Variants in TNRC6B observed in about 807,000 individuals in gnomAD.
TNRC6B encodes trinucleotide repeat containing adaptor 6B.
TNRC6B carries 52 observed loss-of-function variants against 203.6 expected under a neutral mutation model. The observed-to-expected ratio is 0.26, with a 90% CI of 0.20 to 0.32. TNRC6B has a LOEUF of 0.32. Ranked by LOEUF, TNRC6B falls within the 10% of genes least tolerant of loss-of-function variation. The pLI is 1.00. For missense variants in TNRC6B, 1,923 were observed against 2,286.2 expected (o/e 0.84, Z 3.24); for synonymous variants, 838 against 845.7 (o/e 0.99, Z 0.16).
At chr22:40,049,893 C>T (rs1171769805) in intron 1 of TNRC6B, among the ~76,000 whole-genome samples, 5 of 152,146 alleles carry the variant, frequency 3.3e-5, no homozygotes, top group South Asian at 2.1e-4. Flanking sequence ...CATGAGCCAC[C>T]GCGCCCGGCT....
intron 1 of TNRC6B, among the ~76,000 whole-genome samples, chr22:40,111,172 G>A (rs1035253493): frequency 6.6e-6 from 1 of 152,214 alleles, no homozygotes; most frequent in Admixed American, 6.5e-5. Context: ...AATTTGTCCT[G>A]TCCGTGGGAA....
chr22:40,141,725 A>G (rs954050142), intron 3 of TNRC6B, among the ~76,000 whole-genome samples: 1 of 152,004 alleles, frequency 6.6e-6, no homozygotes, highest in Non-Finnish European at 1.5e-5. Flanking sequence ...TGTAAAGAAA[A>G]TAGAGATCCC....
At chr22:40,231,011 T>C (rs1178384743) in intron 1 of TNRC6B, among the ~76,000 whole-genome samples, 1 of 152,160 alleles carries the variant, frequency 6.6e-6, no homozygotes, top group Non-Finnish European at 1.5e-5. Context: ...CTCAGCTAAA[T>C]TACCTTTGCA....
chr22:40,229,991 G>A (rs923965009), intron 1 of TNRC6B, among the ~76,000 whole-genome samples: 1 of 152,118 alleles, frequency 6.6e-6, no homozygotes, highest in African/African-American at 2.4e-5. Flanking sequence ...ATGAATGGCT[G>A]GGTCATATAG....
intron 3 of TNRC6B, among the ~76,000 whole-genome samples, chr22:40,152,436 T>C (rs1249197481): frequency 1.3e-5 from 2 of 152,170 alleles, no homozygotes; most frequent in African/African-American, 2.4e-5. Context: ...ATGCCATTCT[T>C]CTGCCTCAGC....
At position 40,323,349 on chromosome 22, in the gene TNRC6B, G is replaced by A; in HGVS notation, c.*108G>A. The A allele has an allele frequency of 2.9e-6, 4 of 1,377,184 alleles. No individual in the cohort carries two copies. Among genetic ancestry groups the A allele is most frequent in the African/African-American group, 1.5e-5 (1 of 68,362 alleles). The allele number at this position is 1,377,184 out of a possible 1,614,324, so 85.3% of individuals were successfully genotyped here. A position where few individuals can be genotyped will look rare whatever the true frequency, so the allele number is the denominator to read the frequency against. On this transcript the variant is annotated 3_prime_UTR_variant, in exon 23 of 23. Transcript: ENST00000454349. ...CTTGCAATAAATACATTTTTAAAAG[G>A]AAAAAAGAAAACGGAGAGAAAAAAA...
intron 4 of TNRC6B, among the ~76,000 whole-genome samples, chr22:40,171,323 G>A (rs527644131): frequency 5.1e-4 from 77 of 151,670 alleles, no homozygotes; most frequent in African/African-American, 1.8e-3. Flanking sequence ...TACCACACCC[G>A]GCTAATTTTT....
intron 4 of TNRC6B, among the ~76,000 whole-genome samples, chr22:40,264,251 G>A (rs1262878713): frequency 1.3e-5 from 2 of 152,154 alleles, no homozygotes; most frequent in Non-Finnish European, 1.5e-5. Flanking sequence ...GATGACATTC[G>A]AGGCCAAGGA....
At chr22:40,232,526 A>G (rs1045109686) in intron 1 of TNRC6B, among the ~76,000 whole-genome samples, 8 of 152,294 alleles carry the variant, frequency 5.3e-5, no homozygotes, top group Non-Finnish European at 8.8e-5. Flanking sequence ...TCCCAGCTGC[A>G]CTAAGTTTGA....
intron 12 of TNRC6B, among the ~76,000 whole-genome samples, chr22:40,299,787 G>T (rs1302494256): frequency 2.0e-5 from 3 of 152,216 alleles, no homozygotes; most frequent in African/African-American, 7.2e-5. Flanking sequence ...AGATGAGGGT[G>T]CAGGGAAACT....
At chr22:40,175,459 A>G (rs950926345), upstream of TNRC6B, among the ~76,000 whole-genome samples, 2 of 152,222 alleles carry the variant, frequency 1.3e-5, no homozygotes, top group African/African-American at 4.8e-5. Context: ...GCAGTTTGCT[A>G]TTTAACACTT....
intron 1 of TNRC6B, among the ~76,000 whole-genome samples, chr22:40,112,232 C>T (rs1413627775): frequency 6.6e-6 from 1 of 152,160 alleles, no homozygotes; most frequent in Non-Finnish European, 1.5e-5. Flanking sequence ...TGGAAAGAAA[C>T]AGACCAAGAG....
At chr22:40,288,557 T>TG (rs2070821197) in intron 12 of TNRC6B, among the ~76,000 whole-genome samples, 1 of 151,930 alleles carries the variant, frequency 6.6e-6, no homozygotes, top group Admixed American at 6.6e-5. Flanking sequence ...TTTTTTTTTT[T>TG]TTTGAGTTGG....
At chr22:40,143,510 G>C (rs2068662255) in intron 3 of TNRC6B, among the ~76,000 whole-genome samples, 2 of 151,868 alleles carry the variant, frequency 1.3e-5, no homozygotes. Flanking sequence ...TTGTGGGGGG[G>C]ATAGAGTCTC....
chr22:40,316,983 C>T (rs1463428369), intron 21 of TNRC6B, among the ~76,000 whole-genome samples: 4 of 152,122 alleles, frequency 2.6e-5, no homozygotes, highest in African/African-American at 9.7e-5. Flanking sequence ...ACACGATTTG[C>T]TATACAAATG....
intron 1 of TNRC6B, among the ~76,000 whole-genome samples, chr22:40,073,501 G>T (rs922994241): frequency 7.2e-5 from 11 of 151,984 alleles, no homozygotes; most frequent in African/African-American, 2.7e-4. Flanking sequence ...TTGGGGTTTT[G>T]GGGGTGCTGG....
rs968526399 is a variant in TNRC6B at position 40,332,615 on chromosome 22, C to A, written c.*9374C>A. 2.0e-5 allele frequency: 3 copies of A among 152,524 alleles called. No individual in the cohort carries two copies. Among genetic ancestry groups the A allele is most frequent in the African/African-American group, 7.2e-5 (3 of 41,418 alleles). The allele number at this position is 152,524 out of a possible 1,614,324, so 9.4% of individuals were successfully genotyped here. ...ACAGTCTCCTCGTGCCTGTGCAGGG[C>A]TGCACAGGCATGATCTTATCAGGGT... On this transcript the variant is annotated 3_prime_UTR_variant, in exon 23 of 23. Coordinates refer to ENST00000454349, the MANE Select transcript of TNRC6B (RefSeq NM_001162501.2).
At chr22:40,261,595 A>AAAATAAAT (rs758337181) in intron 3 of TNRC6B, among the ~76,000 whole-genome samples, 2 of 151,712 alleles carry the variant, frequency 1.3e-5, no homozygotes, top group African/African-American at 4.8e-5. Flanking sequence ...CTCCGTCTCA[A>AAAATAAAT]AAATAAATAA....
intron 21 of TNRC6B, among the ~76,000 whole-genome samples, chr22:40,317,049 A>G (rs189184508): frequency 1.5e-4 from 23 of 152,282 alleles, no homozygotes; most frequent in Admixed American, 1.4e-3. Flanking sequence ...GACACCCAAA[A>G]GCTACCTGTT....
Sources: gnomAD v4.1 joint callset for allele counts (sites outside exome capture counted in the v4.1 genomes callset) on GRCh38, gnomAD v4.1.1 for gene constraint, MANE v1.5 for transcripts, NCBI Gene and HGNC (gene_info 2026-07-23, HGNC 2026-07-21) for gene names.